The following COL15A1 variants were observed in gnomAD, a reference collection of about 807,000 sequenced individuals.
The protein encoded by COL15A1 is collagen alpha-1(XV) chain.
A neutral mutation model predicts 165.9 loss-of-function variants in COL15A1; 111 were observed. The ratio of observed to expected loss-of-function variants is 0.67; its 90% confidence interval spans 0.57 to 0.78. The LOEUF (loss-of-function observed/expected upper bound fraction) is 0.78. COL15A1 is among the 30% of genes least tolerant of loss of function. The pLI is 0.00. For synonymous variants in COL15A1, 659 were observed against 674.8 expected (o/e 0.98, Z 0.36); for missense variants, 1,745 against 1,789.7 (o/e 0.98, Z 0.45).
intron 2 of COL15A1, among the ~76,000 whole-genome samples, chr9:98,949,167 T>G (rs1006577307): frequency 2.1e-4 from 32 of 152,270 alleles, no homozygotes. Flanking sequence ...TCATGTCTGA[T>G]TCTTTCAATG....
Position 98,987,356 on chromosome 9 carries a change from T to C in COL15A1, c.711T>C (p.Pro237=). 1.2e-6 allele frequency: 2 copies of C among 1,612,352 alleles called. No individual in the cohort carries two copies. The highest frequency in any genetic ancestry group is 1.7e-6 in the Non-Finnish European group (2 of 1,179,270). ...GGACTCCCGAGGAGCTGTGTGACCC[T>C]GAAGAGTCCTCGGTGAGCTCCCCTA... is the stretch of plus-strand genomic sequence containing the variant. ...DPRTPEELCD[P]EESSASGETS... The change falls in exon 4 of 42, where the codon CCT becomes CCC. Residue 237 remains proline (P), a synonymous_variant. Transcript: ENST00000375001.
intron 9 of COL15A1, among the ~76,000 whole-genome samples, chr9:99,011,346 G>A (rs1588513863): frequency 1.5e-5 from 2 of 132,134 alleles, no homozygotes; most frequent in Admixed American, 1.6e-4. Context: ...TTCTTATGAT[G>A]TAAACAGACC....
intron 16 of COL15A1, among the ~76,000 whole-genome samples, 183 bp from the exon 17 acceptor site, chr9:99,034,366 A>G (rs1564071971): frequency 6.6e-6 from 1 of 152,160 alleles, no homozygotes; most frequent in Non-Finnish European, 1.5e-5. Flanking sequence ...AGCTTTCAGC[A>G]TGACCTGCCC....
chr9:98,979,955 G>A (rs1271786200), intron 2 of COL15A1, among the ~76,000 whole-genome samples: 2 of 152,014 alleles, frequency 1.3e-5, no homozygotes, highest in African/African-American at 4.8e-5. Context: ...CCAGGAGCTC[G>A]AGACCAACGT....
intron 13 of COL15A1, among the ~76,000 whole-genome samples, chr9:99,022,939 AG>A (rs1490967148): frequency 6.6e-6 from 1 of 152,178 alleles, no homozygotes; most frequent in Non-Finnish European, 1.5e-5. Context: ...CCTAGTTTAG[AG>A]GAGCCGATGG....
intron 2 of COL15A1, among the ~76,000 whole-genome samples, chr9:98,954,782 A>G (rs1375371869): frequency 2.0e-5 from 3 of 152,222 alleles, no homozygotes; most frequent in African/African-American, 7.2e-5. Context: ...GAGAACGCCA[A>G]GCCCACCCTG....
At chr9:98,968,798 T>TGGGGGC (rs1239490859) in intron 2 of COL15A1, among the ~76,000 whole-genome samples, 1 of 149,210 alleles carries the variant, frequency 6.7e-6, no homozygotes, top group Non-Finnish European at 1.5e-5. Flanking sequence ...GCTTCCTGCC[T>TGGGGGC]GGGGGCGGGG....
In COL15A1 at chr9:99,067,021, T is replaced by C. The variant is rs1825906273; in HGVS notation, c.3791T>C (p.Ile1264Thr). ...TCCCATTTGCAAGATCTGTCCACCA[T>C]TGTGAGGAAAGCAGAGAGATACAGC... ...LSSHLQDLST[I>T]VRKAERYSLP... Residue 1264 changes from isoleucine to threonine, a missense_variant, in exon 40 of 42, where the codon ATT becomes ACT. By Grantham distance (89) the Ile-to-Thr change is moderately conservative. Coordinates refer to ENST00000375001, the MANE Select transcript of COL15A1 (RefSeq NM_001855.5). The C allele has an allele frequency of 1.9e-6, 3 of 1,614,030 alleles. No individual in the cohort carries two copies. The highest frequency in any genetic ancestry group is 2.5e-6 in the Non-Finnish European group (3 of 1,180,010).
rs114981217 is a variant in COL15A1, at chr9:99,061,776, C to T, written c.3403-195C>T. Among the ~76,000 whole-genome samples, 621 of 152,152 alleles carry T rather than the reference C, an allele frequency of 4.1e-3. 3 individuals carry two copies. Among genetic ancestry groups the T allele is most frequent in the African/African-American group, 0.014 (566 of 41,524 alleles). On this transcript the variant is annotated intron_variant, in intron 36 of 41. Transcript: ENST00000375001. ...AGTTAGATTTGTGTTTCAAAGTATA[C>T]ATGTTTTTGTTTTATCAAGAAGAAT...
At chr9:98,955,712 T>C (rs1688476667) in intron 2 of COL15A1, among the ~76,000 whole-genome samples, 2 of 152,232 alleles carry the variant, frequency 1.3e-5, no homozygotes, top group South Asian at 4.1e-4. Context: ...CATAGGAAAG[T>C]TACAACCATT....
chr9:98,997,739 CT>C (rs1838573047), intron 6 of COL15A1: 1 of 152,386 alleles, frequency 6.6e-6, no homozygotes, highest in Non-Finnish European at 1.5e-5. Flanking sequence ...TCTTGTCCCC[CT>C]ACCTGTGCAG....
At chr9:99,043,708 A>G (rs1357512116) in intron 24 of COL15A1, among the ~76,000 whole-genome samples, 6 of 152,148 alleles carry the variant, frequency 3.9e-5, no homozygotes, top group African/African-American at 1.4e-4. Flanking sequence ...AGCTACTCCC[A>G]GCCCCATTGA....
At chr9:99,032,180 T>G (rs1457986758) in intron 16 of COL15A1, among the ~76,000 whole-genome samples, 2 of 151,896 alleles carry the variant, frequency 1.3e-5, no homozygotes, top group Non-Finnish European at 2.9e-5. Context: ...GATTATTGTT[T>G]CTATTTTATT....
chr9:99,061,614 T>TA (rs1825817001), intron 36 of COL15A1, among the ~76,000 whole-genome samples: 1 of 152,220 alleles, frequency 6.6e-6, no homozygotes, highest in African/African-American at 2.4e-5. Context: ...CCAAGTAGCT[T>TA]AAAAAAATAG....
intron 5 of COL15A1, among the ~76,000 whole-genome samples, chr9:98,994,038 T>C (rs1838498794): frequency 6.6e-6 from 1 of 150,564 alleles, no homozygotes; most frequent in East Asian, 2.0e-4. Context: ...GAAAGTTCTA[T>C]GCTGTTGGAA....
At chr9:98,996,079 T>G (rs58467009) in intron 5 of COL15A1, among the ~76,000 whole-genome samples, 2,540 of 152,348 alleles carry the variant, frequency 0.017, 59 homozygotes, top group African/African-American at 0.058. Context: ...TACTAGATTC[T>G]GAATTAAGGA....
chr9:99,014,428 A>G (rs1387710067), intron 9 of COL15A1, among the ~76,000 whole-genome samples: 1 of 152,252 alleles, frequency 6.6e-6, no homozygotes, highest in East Asian at 1.9e-4. Context: ...GTACAGCAAA[A>G]TAAACTTTAG....
At chr9:98,997,213 C>CT in intron 6 of COL15A1, 132 bp downstream of exon 6, 4 of 1,113,114 alleles carry the variant, frequency 3.6e-6, no homozygotes, top group Non-Finnish European at 5.0e-6. Flanking sequence ...AGGGTGAGAA[C>CT]CACCCTCATT....
chr9:99,055,267 G>A lies in COL15A1; in HGVS notation c.3087G>A (p.Glu1029=). The A allele has an allele frequency of 6.2e-7, 1 of 1,610,446 alleles. No homozygotes were observed. Among genetic ancestry groups the A allele is most frequent in the Non-Finnish European group, 8.5e-7 (1 of 1,176,682 alleles). Residue 1029 remains glutamate, a synonymous_variant, in exon 34 of 42, where the codon GAG becomes GAA. Transcript: ENST00000375001. ...LRHFLNNLKG[E]NGDKGFKGEK... ...CCTGTGTTCTCTGCTTCCAGGGGGA[G>A]AATGGAGACAAGGGGTTCAAAGGTG...
Sources: allele counts gnomAD v4.1 joint callset (sites outside exome capture counted in the v4.1 genomes callset), GRCh38; gene constraint gnomAD v4.1.1; transcripts MANE v1.5; gene names NCBI Gene and HGNC (gene_info 2026-07-23, HGNC 2026-07-21).